Variants in HHAT observed in about 807,000 individuals in gnomAD.
HHAT encodes protein-cysteine N-palmitoyltransferase HHAT.
Under a neutral mutation model 70.8 loss-of-function variants are expected in HHAT, and 47 were observed. That is an observed-to-expected ratio of 0.66 (90% CI 0.53 to 0.85). The LOEUF is 0.85. Among genes scored for constraint, HHAT ranks in the 40% least tolerant of loss-of-function variants. HHAT has a pLI of 0.00. For synonymous variants in HHAT, 228 were observed against 247.6 expected (o/e 0.92, Z 0.74); for missense variants, 609 against 604.8 (o/e 1.01, Z -0.07).
chr1:210,631,010 A>T (rs530077759), intron 11 of HHAT: 4 of 449,126 alleles, frequency 8.9e-6, no homozygotes, highest in African/African-American at 2.0e-5. Flanking sequence ...GTTTATTTTT[A>T]TTTTTTTTAC....
At chr1:210,560,311 T>C (rs1014865447) in intron 9 of HHAT, among the ~76,000 whole-genome samples, 1 of 152,082 alleles carries the variant, frequency 6.6e-6, no homozygotes, top group Non-Finnish European at 1.5e-5. Context: ...GTCAAAGGTT[T>C]TTTTCCCCCA....
At chr1:210,609,710 G>A in intron 10 of HHAT, among the ~76,000 whole-genome samples, 1 of 151,992 alleles carries the variant, frequency 6.6e-6, no homozygotes, top group South Asian at 2.1e-4. Context: ...CCCCACCATG[G>A]GTCCATGTGT....
intron 3 of HHAT, chr1:210,374,288 C>T (rs955468719): frequency 9.2e-5 from 14 of 152,212 alleles, no homozygotes; most frequent in African/African-American, 3.1e-4. Context: ...ATTAGTTCAA[C>T]TCATTGTTGC....
At chr1:210,336,963 A>C (rs2085556473) in intron 1 of HHAT, among the ~76,000 whole-genome samples, 1 of 152,240 alleles carries the variant, frequency 6.6e-6, no homozygotes, top group East Asian at 1.9e-4. Context: ...AAATAGGTTG[A>C]GAATTTTCAG....
chr1:210,647,474 C>T (rs1450525129), intron 11 of HHAT, among the ~76,000 whole-genome samples: 1 of 152,208 alleles, frequency 6.6e-6, no homozygotes, highest in African/African-American at 2.4e-5. Flanking sequence ...TCCACTGTAA[C>T]CAGCAGAGCT....
In HHAT at chr1:210,518,009, G is replaced by A. The variant is rs539685283; in HGVS notation, c.1043+4821G>A. ...TTATATTTATGGGGTACAATTTGACGTTTTGATGTATCTATGTTGTATAAT... is the reference window on the plus strand; with the variant it reads ...TTATATTTATGGGGTACAATTTGACATTTTGATGTATCTATGTTGTATAAT... On this transcript the variant is annotated intron_variant, in intron 9 of 11. Transcript: ENST00000261458. 3.9e-5 allele frequency among the ~76,000 whole-genome samples: 6 copies of A among 152,184 alleles called. No individual in the cohort carries two copies. In the East Asian group the frequency reaches 7.7e-4, roughly 20 times the overall value.
chr1:210,544,910 C>T (rs997710991), intron 9 of HHAT, among the ~76,000 whole-genome samples: 1 of 152,094 alleles, frequency 6.6e-6, no homozygotes, highest in African/African-American at 2.4e-5. Flanking sequence ...CCCTAAATTC[C>T]CAGGTCTGTT....
At chr1:210,561,322 C>T (rs530831605) in intron 9 of HHAT, among the ~76,000 whole-genome samples, 40 of 152,316 alleles carry the variant, frequency 2.6e-4, no homozygotes, top group African/African-American at 9.6e-4. Flanking sequence ...AACCATTCTG[C>T]ACCTCATTTT....
In HHAT at chr1:210,392,169, G is replaced by A. The variant is rs182489542; in HGVS notation, c.273+4588G>A. On this transcript the variant is annotated intron_variant, in intron 4 of 11. Coordinates refer to ENST00000261458, the MANE Select transcript of HHAT (RefSeq NM_018194.6). ...CAGGCATGAGCTACTGCACCTGGCC[G>A]GATATTTCATATATTTTTAACTGAA... 4.2e-3 allele frequency among the ~76,000 whole-genome samples: 640 copies of A among 152,108 alleles called. 15 individuals are homozygous for A. The highest frequency in any genetic ancestry group is 0.037 in the Admixed American group (565 of 15,264).
chr1:210,376,559 T>G (rs1456672766), intron 3 of HHAT, among the ~76,000 whole-genome samples: 2 of 152,176 alleles, frequency 1.3e-5, no homozygotes, highest in East Asian at 3.9e-4. Context: ...GTGGAAGTAA[T>G]GGACTGTGGG....
intron 7 of HHAT, among the ~76,000 whole-genome samples, chr1:210,435,115 T>C (rs2093344197): frequency 6.6e-6 from 1 of 151,860 alleles, no homozygotes; most frequent in Non-Finnish European, 1.5e-5. Context: ...TCAACCTCTT[T>C]TCATCCTCCC....
intron 7 of HHAT, among the ~76,000 whole-genome samples, chr1:210,430,208 G>A (rs1357254348): frequency 1.3e-5 from 2 of 151,700 alleles, no homozygotes; most frequent in African/African-American, 2.4e-5. Flanking sequence ...GCCTTTATTT[G>A]CCTCTGTTTC....
intron 9 of HHAT, among the ~76,000 whole-genome samples, chr1:210,535,454 T>G (rs78252687): frequency 0.043 from 6,470 of 150,382 alleles, 411 homozygotes; most frequent in African/African-American, 0.14. Context: ...TGTGTGTGTG[T>G]GGGGTAAAAT....
intron 10 of HHAT, among the ~76,000 whole-genome samples, chr1:210,606,439 A>G (rs915348921): frequency 6.6e-6 from 1 of 152,070 alleles, no homozygotes; most frequent in Non-Finnish European, 1.5e-5. Context: ...ATTCTCCAAT[A>G]GAACTAGAAA....
At chr1:210,405,605 A>T (rs994187050) in intron 6 of HHAT, among the ~76,000 whole-genome samples, 1 of 152,196 alleles carries the variant, frequency 6.6e-6, no homozygotes, top group African/African-American at 2.4e-5. Flanking sequence ...GGGCAGCAAC[A>T]TGAAAGTTGC....
chr1:210,642,514 C>A (rs1358313084), intron 11 of HHAT, among the ~76,000 whole-genome samples: 1 of 152,134 alleles, frequency 6.6e-6, no homozygotes, highest in Non-Finnish European at 1.5e-5. Context: ...CTTTCCAAAA[C>A]TTGTAACTGT....
At chr1:210,380,792 C>T (rs1162041817) in intron 3 of HHAT, among the ~76,000 whole-genome samples, 1 of 151,918 alleles carries the variant, frequency 6.6e-6, no homozygotes. Context: ...GGCCCAGCTG[C>T]ATGAATGTGG....
intron 2 of HHAT, among the ~76,000 whole-genome samples, chr1:210,362,190 C>T (rs779144100): frequency 2.0e-5 from 3 of 151,574 alleles, no homozygotes; most frequent in South Asian, 4.2e-4. Context: ...TATATCATAG[C>T]GGATCCAATC....
At chr1:210,375,740 G>A (rs2090142089) in intron 3 of HHAT, among the ~76,000 whole-genome samples, 3 of 150,668 alleles carry the variant, frequency 2.0e-5, no homozygotes, top group South Asian at 4.2e-4. Context: ...AAAATTTAAT[G>A]ACACCAATGT....
Sources: allele counts gnomAD v4.1 joint callset (sites outside exome capture counted in the v4.1 genomes callset), GRCh38; gene constraint gnomAD v4.1.1; transcripts MANE v1.5; gene names NCBI Gene and HGNC (gene_info 2026-07-23, HGNC 2026-07-21).